SLC35F3: variants seen among roughly 807,000 people sequenced by gnomAD.
The protein encoded by SLC35F3 is solute carrier family 35 member F3, also known as putative thiamine transporter SLC35F3.
Under a neutral mutation model 49.9 loss-of-function variants are expected in SLC35F3, and 25 were observed. The observed-to-expected ratio is 0.50, with a 90% CI of 0.37 to 0.70. The LOEUF (loss-of-function observed/expected upper bound fraction) is 0.70, where lower values mean the gene tolerates loss of function less well. SLC35F3 is among the 30% of genes least tolerant of loss of function. The probability of loss-of-function intolerance (pLI) is 0.00; values close to 1 mark genes in which losing one functional copy is unlikely to be tolerated. For missense variants in SLC35F3, 525 were observed against 639.8 expected, an observed-to-expected ratio of 0.82 and a Z score of 1.94; for synonymous variants, 275 against 265.4, an observed-to-expected ratio of 1.04 and a Z score of -0.35.
chr1:234,185,642 C>T (rs1318734215), intron 2 of SLC35F3, among the ~76,000 whole-genome samples: 1 of 152,122 alleles, frequency 6.6e-6, no homozygotes, highest in Non-Finnish European at 1.5e-5. Flanking sequence ...TCTGAAAAGC[C>T]ATCTCTGCTT....
At chr1:234,120,399 C>T (rs1665552551) in intron 2 of SLC35F3, among the ~76,000 whole-genome samples, 1 of 152,192 alleles carries the variant, frequency 6.6e-6, no homozygotes, top group Non-Finnish European at 1.5e-5. Context: ...ATTTGCTGGG[C>T]ATCTGTGATA....
chr1:234,217,580 A>G (rs1447246259), intron 2 of SLC35F3, among the ~76,000 whole-genome samples: 2 of 151,220 alleles, frequency 1.3e-5, no homozygotes, highest in Non-Finnish European at 3.0e-5. Flanking sequence ...ACAGAGGAAT[A>G]CTTTCTGAGG....
chr1:234,141,667 C>A lies in SLC35F3; in HGVS notation c.284-89750C>A, dbSNP rs186694301. On this transcript the variant is annotated intron_variant, in intron 2 of 7. Coordinates refer to ENST00000366618, the MANE Select transcript of SLC35F3 (RefSeq NM_173508.4). Reference sequence around the variant, plus strand: ...ACAAAGGCCTCCTGGTCTACTCAGCCCACCATGTTAGCTTATCTTTGGAGA... The same window carrying A: ...ACAAAGGCCTCCTGGTCTACTCAGCACACCATGTTAGCTTATCTTTGGAGA... Among the ~76,000 whole-genome samples, 352 of 152,306 alleles carry A rather than the reference C, an allele frequency of 2.3e-3. 1 individual carries two copies. Among genetic ancestry groups the A allele is most frequent in the African/African-American group, 8.1e-3 (335 of 41,564 alleles).
At chr1:234,048,422 CTG>C (rs1222957664) in intron 2 of SLC35F3, among the ~76,000 whole-genome samples, 1 of 152,184 alleles carries the variant, frequency 6.6e-6, no homozygotes, top group African/African-American at 2.4e-5. Flanking sequence ...GGCAGAGACA[CTG>C]TCAGTATGGA....
intron 2 of SLC35F3, among the ~76,000 whole-genome samples, chr1:233,999,081 A>C (rs1038442457): frequency 6.6e-6 from 1 of 152,166 alleles, no homozygotes; most frequent in East Asian, 1.9e-4. Flanking sequence ...AGCAAGCATT[A>C]GGGATCTGGA....
intron 2 of SLC35F3, among the ~76,000 whole-genome samples, chr1:233,936,521 TCC>T (rs1662330924): frequency 6.8e-6 from 1 of 146,970 alleles, no homozygotes; most frequent in African/African-American, 2.4e-5. Context: ...CTTGTTCTCC[TCC>T]TCCTCCTCCT....
chr1:234,251,052 T>A (rs143767811), intron 3 of SLC35F3, among the ~76,000 whole-genome samples: 2 of 152,270 alleles, frequency 1.3e-5, no homozygotes, highest in Non-Finnish European at 2.9e-5. Context: ...AGGTGCCTCC[T>A]GCTTGGAACA....
chr1:234,287,148 A>G (rs1668435174), intron 3 of SLC35F3, among the ~76,000 whole-genome samples: 1 of 152,142 alleles, frequency 6.6e-6, no homozygotes, highest in Non-Finnish European at 1.5e-5. Flanking sequence ...CCAGGGAGCT[A>G]TGATCAATCC....
At chr1:234,059,345 A>T (rs1441383733) in intron 2 of SLC35F3, among the ~76,000 whole-genome samples, 8 of 142,030 alleles carry the variant, frequency 5.6e-5, no homozygotes, top group African/African-American at 2.1e-4. Context: ...TGCACTCCAC[A>T]TATTTTTTTT....
intron 3 of SLC35F3, among the ~76,000 whole-genome samples, chr1:234,235,834 G>A (rs1455434457): frequency 6.6e-6 from 1 of 152,204 alleles, no homozygotes; most frequent in Non-Finnish European, 1.5e-5. Flanking sequence ...ACCCTGCAAG[G>A]GCCCGGTGTG....
At chr1:234,141,051 G>A (rs539117066) in intron 2 of SLC35F3, among the ~76,000 whole-genome samples, 3 of 152,274 alleles carry the variant, frequency 2.0e-5, no homozygotes, top group Non-Finnish European at 2.9e-5. Flanking sequence ...ATTATGGAGC[G>A]ACCATGTAGT....
chr1:233,930,651 C>T (rs111610471), intron 2 of SLC35F3, among the ~76,000 whole-genome samples: 14 of 152,248 alleles, frequency 9.2e-5, no homozygotes, highest in African/African-American at 2.6e-4. Context: ...AGTAGCTTAC[C>T]GTTGACTGGG....
chr1:234,076,611 G>A lies in SLC35F3; in HGVS notation c.284-154806G>A, dbSNP rs576909091. 1.6e-4 allele frequency among the ~76,000 whole-genome samples: 24 copies of A among 151,960 alleles called. No homozygotes were observed. In the South Asian group the frequency reaches 2.7e-3, roughly 17 times the overall value. On this transcript the variant is annotated intron_variant, in intron 2 of 7. Coordinates refer to ENST00000366618, the MANE Select transcript of SLC35F3 (RefSeq NM_173508.4). Reference sequence around the variant, plus strand: ...CAAGTAGCTGGGATTATGGGTGCCCGCCATCATGCCCTGCTAATTTTTGTA... The same window carrying A: ...CAAGTAGCTGGGATTATGGGTGCCCACCATCATGCCCTGCTAATTTTTGTA...
intron 2 of SLC35F3, among the ~76,000 whole-genome samples, chr1:234,095,359 G>A (rs146937448): frequency 1.2e-3 from 181 of 151,728 alleles, no homozygotes; most frequent in African/African-American, 4.2e-3. Flanking sequence ...GGAGCTGGAG[G>A]TATATCCAAA....
intron 2 of SLC35F3, among the ~76,000 whole-genome samples, chr1:234,002,606 T>G (rs892441139): frequency 6.6e-5 from 10 of 152,292 alleles, no homozygotes; most frequent in African/African-American, 2.4e-4. Context: ...ACTTATACAG[T>G]TGACGTTGGC....
chr1:233,972,538 T>G (rs1319512101), intron 2 of SLC35F3, among the ~76,000 whole-genome samples: 1 of 152,198 alleles, frequency 6.6e-6, no homozygotes, highest in East Asian at 1.9e-4. Context: ...ATGTGGACAG[T>G]GCTGATATTA....
rs1666054988 is a variant in SLC35F3, at chr1:234,150,066, C to A, written c.284-81351C>A. The stretch of plus-strand genomic sequence containing the variant: ...CTTATCCCATAGACTTTGGCTCCAA[C>A]CAGCAAGCAAAGCTGCCTTCTGAGA... On this transcript the variant is annotated intron_variant, in intron 2 of 7. Transcript: ENST00000366618. 1.3e-5 allele frequency among the ~76,000 whole-genome samples: 2 copies of A among 152,214 alleles called. 1 individual carries two copies. The highest frequency in any genetic ancestry group is 4.1e-4 in the South Asian group (2 of 4,830).
intron 2 of SLC35F3, among the ~76,000 whole-genome samples, chr1:234,130,597 T>C (rs9730676): frequency 0.46 from 68,740 of 148,182 alleles, 17,054 homozygotes; most frequent in Non-Finnish European, 0.56. Context: ...CGAGAGATCG[T>C]GCCACTGCAC....
chr1:234,043,872 C>T (rs748418015), intron 2 of SLC35F3, among the ~76,000 whole-genome samples: 1 of 152,128 alleles, frequency 6.6e-6, no homozygotes, highest in African/African-American at 2.4e-5. Flanking sequence ...AAATTACTTT[C>T]GCTTTGTATG....
Sources: allele counts gnomAD v4.1 joint callset (sites outside exome capture counted in the v4.1 genomes callset), GRCh38; gene constraint gnomAD v4.1.1; transcripts MANE v1.5; gene names NCBI Gene and HGNC (gene_info 2026-07-23, HGNC 2026-07-21).